The following EPHA2 variants were observed in gnomAD, a reference collection of about 807,000 sequenced individuals.
EPHA2 encodes the protein ephrin type-A receptor 2.
In EPHA2, 54 loss-of-function variants were observed where a neutral mutation model predicts 104.9. The ratio of observed to expected loss-of-function variants is 0.51; its 90% CI spans 0.41 to 0.65. The LOEUF (loss-of-function observed/expected upper bound fraction) is 0.65, where lower values mean the gene tolerates loss of function less well. Among genes scored for constraint, EPHA2 ranks in the 30% least tolerant of loss-of-function variants. The pLI is 0.00. For synonymous variants in EPHA2, 560 were observed against 559.1 expected, an observed-to-expected ratio of 1.00 and a Z score of -0.02; for missense variants, 1,117 against 1,369.5, an observed-to-expected ratio of 0.82 and a Z score of 2.91.
rs2024743920 is a variant in EPHA2 at position 16,137,845 on chromosome 1, G to A, written c.1312+8C>T. 1 of 1,613,486 alleles carries A rather than the reference G, an allele frequency of 6.2e-7. No individual in the cohort carries two copies. Among genetic ancestry groups the A allele is most frequent in the African/African-American group, 1.3e-5 (1 of 75,068 alleles). ...CCATAGGGCACAGCTGCCACCCCTG[G>A]ACCTCACCTGTCTGGTTGATGCTGA... On this transcript the variant is annotated splice_region_variant and intron_variant, in intron 5 of 16. Coordinates refer to ENST00000358432, the MANE Select transcript of EPHA2 (RefSeq NM_004431.5).
At chr1:16,143,467 G>A (rs967256981) in intron 3 of EPHA2, among the ~76,000 whole-genome samples, 4 of 152,084 alleles carry the variant, frequency 2.6e-5, no homozygotes, top group African/African-American at 7.2e-5. Context: ...TTCTGGCCCC[G>A]GTTGTCTGGC....
chr1:16,135,828 T>C lies in EPHA2; in HGVS notation c.1313-58A>G. On this transcript the variant is annotated intron_variant, in intron 5 of 16. Coordinates refer to ENST00000358432, the MANE Select transcript of EPHA2 (RefSeq NM_004431.5). This position sits in a 1 kb window ranked among gnomAD's most constrained non-coding sequence, Gnocchi z 4.3. ...AGAAGCTGCCTACGAGCAGGCAGGG[T>C]TTGGGGGGACAAGTGGACGTGGAGC... The C allele has an allele frequency of 3.6e-6, 3 of 822,278 alleles. No homozygotes were observed. Among genetic ancestry groups the C allele is most frequent in the Non-Finnish European group, 4.3e-6 (2 of 469,318 alleles). 50.9% of individuals were successfully genotyped at this position (822,278 alleles called of 1,614,324 possible). A position where few individuals can be genotyped will look rare whatever the true frequency, so the allele number is the denominator to read the frequency against.
chr1:16,134,388 G>A lies in EPHA2; in HGVS notation c.1682+80C>T, dbSNP rs752719685. ...CGACTAGCATCCTGTGGGCCCCATC[G>A]TTCAGATGAGGAAATGGAGGTTCCT... On this transcript the variant is annotated intron_variant, in intron 8 of 16. Coordinates refer to ENST00000358432, the MANE Select transcript of EPHA2 (RefSeq NM_004431.5). This position sits in a 1 kb window ranked among gnomAD's most constrained non-coding sequence, Gnocchi z 4.5. The A allele has an allele frequency of 3.6e-6, 5 of 1,408,034 alleles. No homozygotes were observed. Among genetic ancestry groups the A allele is most frequent in the Non-Finnish European group, 4.0e-6 (4 of 1,002,742 alleles). The allele number at this position is 1,408,034 out of a possible 1,614,324, so 87.2% of individuals were successfully genotyped here. A position where few individuals can be genotyped will look rare whatever the true frequency, so the allele number is the denominator to read the frequency against.
chr1:16,146,107 C>T (rs911478697), intron 3 of EPHA2, among the ~76,000 whole-genome samples: 4 of 152,184 alleles, frequency 2.6e-5, no homozygotes, highest in African/African-American at 4.8e-5. Context: ...AGGAGCCAGC[C>T]GGGCGTTCCT....
At position 16,135,595 on chromosome 1, in the gene EPHA2, G is replaced by T; in HGVS notation, c.1428+60C>A. 6.7e-7 allele frequency: 1 copy of T among 1,497,520 alleles called. No homozygotes were observed. Among genetic ancestry groups the T allele is most frequent in the South Asian group, 1.1e-5 (1 of 88,660 alleles). 92.8% of individuals were successfully genotyped at this position (1,497,520 alleles called of 1,614,324 possible). ...TGGGTGGTTTGGTGATCATCTATGT[G>T]ACCAGCCTGTCCCCTGCTGTCGGCC... On this transcript the variant is annotated intron_variant, in intron 6 of 16. Transcript: ENST00000358432. This position sits in a 1 kb window ranked among gnomAD's most constrained non-coding sequence, Gnocchi z 4.3.
Position 16,148,792 on chromosome 1 carries a change from G to C in EPHA2, c.409C>G (p.Arg137Gly). 1 of 1,614,128 alleles carries C rather than the reference G, an allele frequency of 6.2e-7. No homozygotes were observed. Among genetic ancestry groups the C allele is most frequent in the Non-Finnish European group, 8.5e-7 (1 of 1,180,050 alleles). The change falls in exon 3 of 17, where the codon CGC (arginine) becomes GGC (glycine). Residue 137 changes from arginine to glycine, a missense_variant. This residue lies in a region of EPHA2 where 664 missense variants were observed against 784.8 expected (regional missense o/e 0.85). Transcript: ENST00000358432. This position sits in a 1 kb window ranked among gnomAD's most constrained non-coding sequence, Gnocchi z 4.9. Reference protein sequence around the residue: ...DLDYGTNFQKRLFTKIDTIAP... With the variant: ...DLDYGTNFQKGLFTKIDTIAP... ...ATGGTGTCAATCTTGGTGAACAGGC[G>C]CTTCTGGAAGTTGGTGCCGTAGTCC...
chr1:16,152,374 T>C (rs1318325607), intron 1 of EPHA2, among the ~76,000 whole-genome samples: 1 of 152,004 alleles, frequency 6.6e-6, no homozygotes, highest in East Asian at 1.9e-4. Context: ...GGGCGTGAAA[T>C]GCTGCCACCC....
chr1:16,145,590 G>A (rs2024918198), intron 3 of EPHA2, among the ~76,000 whole-genome samples: 1 of 152,110 alleles, frequency 6.6e-6, no homozygotes, highest in Non-Finnish European at 1.5e-5. Context: ...GTCCGGCAGG[G>A]AGGGCAGACC....
At position 16,128,701 on chromosome 1, in the gene EPHA2, A is replaced by G. The variant is rs1048352298; in HGVS notation, c.2825+733T>C. ...CAAGGCCATGCCGGGAAAAGTCTCA[A>G]TGCTGGAGTTGGGAAGGGGAGAAGA... On this transcript the variant is annotated intron_variant, in intron 16 of 16. Transcript: ENST00000358432. This position sits in a 1 kb window ranked among gnomAD's most constrained non-coding sequence, Gnocchi z 4.7. 3.9e-5 allele frequency among the ~76,000 whole-genome samples: 6 copies of G among 152,148 alleles called. No individual in the cohort carries two copies. The highest frequency in any genetic ancestry group is 2.1e-4 in the South Asian group (1 of 4,832).
Position 16,135,170 on chromosome 1 carries a change from T to C in EPHA2, c.1448A>G (p.Asn483Ser), listed in dbSNP as rs1444464746. The change falls in exon 7 of 17, where the codon AAT (asparagine) becomes AGT (serine). Residue 483 changes from asparagine to serine, a missense_variant. Physicochemically the swap from Asn to Ser is conservative, Grantham distance 46. This residue lies in a region of EPHA2 where 664 missense variants were observed against 784.8 expected (regional missense o/e 0.85). Transcript: ENST00000358432. This position sits in a 1 kb window ranked among gnomAD's most constrained non-coding sequence, Gnocchi z 4.3. ...YRKKGDSNSYNVRRTEGFSVT... is the reference protein window; with the variant it reads ...YRKKGDSNSYSVRRTEGFSVT... The stretch of plus-strand genomic sequence containing the variant: ...GGAGAAACCCTCGGTGCGGCGCACA[T>C]TGTAGCTGTTGGAGTCTCCCTGTGG... 1 of 1,613,852 alleles carries C rather than the reference T, an allele frequency of 6.2e-7. No individual in the cohort carries two copies. The highest frequency in any genetic ancestry group is 1.1e-5 in the South Asian group (1 of 91,074).
In EPHA2 at chr1:16,130,217, A is replaced by G. The variant is rs1444921769; in HGVS notation, c.2669+9T>C. ...TGAGGTCATCATGGGCAGAGGGCAT[A>G]GAACTCACCGGGGGTCAAAGTCAGC... On this transcript the variant is annotated intron_variant, in intron 15 of 16. Coordinates refer to ENST00000358432, the MANE Select transcript of EPHA2 (RefSeq NM_004431.5). This position sits in a 1 kb window ranked among gnomAD's most constrained non-coding sequence, Gnocchi z 4.5. 6.2e-7 allele frequency: 1 copy of G among 1,614,172 alleles called. No individual in the cohort carries two copies. Among genetic ancestry groups the G allele is most frequent in the Non-Finnish European group, 8.5e-7 (1 of 1,180,002 alleles).
At position 16,133,592 on chromosome 1, in the gene EPHA2, G is replaced by A; in HGVS notation, c.1753C>T (p.Leu585=). ...YFSKSEQLKP[L]KTYVDPHTYE... Reference sequence around the variant, plus strand: ...GTGTGGGGGTCCACGTATGTCTTCAGGGGCTTCAGTTGTTCTGGAAGGAGA... The same window carrying A: ...GTGTGGGGGTCCACGTATGTCTTCAAGGGCTTCAGTTGTTCTGGAAGGAGA... The change falls in exon 10 of 17, where the codon CTG becomes TTG. Residue 585 remains leucine, a synonymous_variant. Transcript: ENST00000358432. 6.2e-7 allele frequency: 1 copy of A among 1,614,060 alleles called. No homozygotes were observed. Among genetic ancestry groups the A allele is most frequent in the South Asian group, 1.1e-5 (1 of 91,086 alleles).
In EPHA2 at chr1:16,129,362, G is replaced by A. The variant is rs116602887; in HGVS notation, c.2825+72C>T. The A allele has an allele frequency of 7.8e-4, 1,160 of 1,489,660 alleles. 6 individuals are homozygous for A. The African/African-American group carries it at 0.015, about 19-fold the overall frequency. 92.3% of individuals were successfully genotyped at this position (1,489,660 alleles called of 1,614,324 possible). ...GCATTGAGGGGCAGGGAAGAGGGCT[G>A]GGGGGGGCATGGAGGCAGCCTCTGG... On this transcript the variant is annotated intron_variant, in intron 16 of 16. Coordinates refer to ENST00000358432, the MANE Select transcript of EPHA2 (RefSeq NM_004431.5).
Position 16,125,143 on chromosome 1 carries a change from A to T in EPHA2, c.*72T>A. The T allele has an allele frequency of 7.2e-7, 1 of 1,391,036 alleles. No individual in the cohort carries two copies. 86.2% of individuals were successfully genotyped at this position (1,391,036 alleles called of 1,614,324 possible). ...TAAATAAAGTCCCCAGTGGCCCAGCATGGCACAGCAGGGAGGCCACTCTGT... is the reference window on the plus strand; with the variant it reads ...TAAATAAAGTCCCCAGTGGCCCAGCTTGGCACAGCAGGGAGGCCACTCTGT... On this transcript the variant is annotated 3_prime_UTR_variant, in exon 17 of 17. Transcript: ENST00000358432. This position sits in a 1 kb window ranked among gnomAD's most constrained non-coding sequence, Gnocchi z 4.9.
intron 3 of EPHA2, among the ~76,000 whole-genome samples, chr1:16,147,094 C>T (rs557870908): frequency 1.3e-5 from 2 of 152,352 alleles, no homozygotes; most frequent in African/African-American, 4.8e-5. Flanking sequence ...AAAAAGTCAC[C>T]CATTGAAAAT....
chr1:16,142,906 G>T (rs1232406580), intron 3 of EPHA2, among the ~76,000 whole-genome samples: 2 of 141,582 alleles, frequency 1.4e-5, no homozygotes, highest in East Asian at 2.3e-4. Context: ...GGATGGGTGG[G>T]TTGGTGGGTG....
intron 1 of EPHA2, chr1:16,153,325 T>C: frequency 1.0e-6 from 1 of 985,274 alleles, no homozygotes; most frequent in Non-Finnish European, 1.2e-6. Context: ...TAACCAAGAC[T>C]AGCTAATCCC....
rs1284160486 is a variant in EPHA2, at chr1:16,134,438, T to C, written c.1682+30A>G. 1 of 1,609,522 alleles carries C rather than the reference T, an allele frequency of 6.2e-7. No homozygotes were observed. Among genetic ancestry groups the C allele is most frequent in the Non-Finnish European group, 8.5e-7 (1 of 1,176,070 alleles). ...TGCCCCATTTTCCCACCCAAGCCCA[T>C]GTGGAGCCAGGGTATGGGCTCTGAC... On this transcript the variant is annotated intron_variant, in intron 8 of 16. Coordinates refer to ENST00000358432, the MANE Select transcript of EPHA2 (RefSeq NM_004431.5). The surrounding 1 kb of genome is among the most constrained non-coding windows in gnomAD (Gnocchi z 4.5).
At position 16,133,591 on chromosome 1, in the gene EPHA2, A is replaced by G. The variant is rs1424847607; in HGVS notation, c.1754T>C (p.Leu585Pro). 6.2e-7 allele frequency: 1 copy of G among 1,614,012 alleles called. No individual in the cohort carries two copies. Among genetic ancestry groups the G allele is most frequent in the Admixed American group, 1.7e-5 (1 of 60,016 alleles). The part of the protein sequence containing the change: ...YFSKSEQLKP[L>P]KTYVDPHTYE... ...TGTGTGGGGGTCCACGTATGTCTTC[A>G]GGGGCTTCAGTTGTTCTGGAAGGAG... The change falls in exon 10 of 17, where the codon CTG becomes CCG. Residue 585 changes from leucine (L) to proline (P), a missense_variant. Transcript: ENST00000358432.
Sources: gnomAD v4.1 joint callset for allele counts (sites outside exome capture counted in the v4.1 genomes callset) on GRCh38, gnomAD v4.1.1 for gene constraint, gnomAD v4.1.1 regional missense constraint, Gnocchi (gnomAD v3.1) non-coding constraint, MANE v1.5 for transcripts, NCBI Gene and HGNC (gene_info 2026-07-23, HGNC 2026-07-21) for gene names.